ELOVL2: variants seen among roughly 807,000 people sequenced by gnomAD.
The protein encoded by ELOVL2 is very long chain fatty acid elongase 2.
ELOVL2 carries 38 observed loss-of-function variants against 37.7 expected under a neutral mutation model. The ratio of observed to expected loss-of-function variants is 1.01; its 90% CI spans 0.78 to 1.32. The LOEUF (loss-of-function observed/expected upper bound fraction) is 1.32. Ranked by LOEUF, ELOVL2 falls within the 40% of genes most tolerant of loss-of-function variation. The pLI is 0.00. For synonymous variants in ELOVL2, 115 were observed against 122.3 expected, an observed-to-expected ratio of 0.94 and a Z score of 0.40; for missense variants, 352 against 363.6, an observed-to-expected ratio of 0.97 and a Z score of 0.26.
At chr6:10,991,787 CTT>C (rs768445403) in intron 5 of ELOVL2, among the ~76,000 whole-genome samples, 1 of 152,176 alleles carries the variant, frequency 6.6e-6, no homozygotes, top group Admixed American at 6.6e-5. Context: ...ACCTACATGA[CTT>C]TTCATTTCCA....
intron 1 of ELOVL2, among the ~76,000 whole-genome samples, chr6:11,017,871 CATA>C (rs1335975887): frequency 6.6e-6 from 1 of 152,224 alleles, no homozygotes; most frequent in Non-Finnish European, 1.5e-5. Flanking sequence ...ATGCCTGGCA[CATA>C]ATGGGCACTT....
chr6:11,008,545 A>T (rs1034891477), intron 2 of ELOVL2, among the ~76,000 whole-genome samples: 4 of 151,870 alleles, frequency 2.6e-5, no homozygotes, highest in African/African-American at 9.7e-5. Flanking sequence ...CTGCATGCCT[A>T]ACTAAGGGAG....
intron 4 of ELOVL2, among the ~76,000 whole-genome samples, chr6:10,999,461 C>T (rs911302454): frequency 4.6e-5 from 7 of 151,848 alleles, no homozygotes; most frequent in East Asian, 1.9e-4. Context: ...CCACAACCTC[C>T]GCCTCCCGGG....
At chr6:10,989,304 G>A (rs757826405) in intron 7 of ELOVL2, among the ~76,000 whole-genome samples, 3 of 152,112 alleles carry the variant, frequency 2.0e-5, no homozygotes, top group Non-Finnish European at 4.4e-5. Context: ...TTATCAACAA[G>A]CATGTGCTAC....
chr6:11,023,196 C>T (rs1782790915), intron 1 of ELOVL2, among the ~76,000 whole-genome samples: 1 of 152,188 alleles, frequency 6.6e-6, no homozygotes, highest in African/African-American at 2.4e-5. Flanking sequence ...GTATTCAGGA[C>T]ACCTTGGAAC....
At chr6:11,003,752 G>A (rs1257004540) in intron 3 of ELOVL2, among the ~76,000 whole-genome samples, 1 of 152,180 alleles carries the variant, frequency 6.6e-6, no homozygotes, top group Non-Finnish European at 1.5e-5. Context: ...TCCTTTCAGT[G>A]TCAAGTAGAT....
chr6:10,995,273 CCTG>C, intron 4 of ELOVL2, 95 bp from the exon 5 acceptor site: 1 of 943,652 alleles, frequency 1.1e-6, no homozygotes, highest in South Asian at 1.8e-5. Context: ...CCTGTGGTTT[CCTG>C]CTGTTTCTTT....
intron 1 of ELOVL2, among the ~76,000 whole-genome samples, chr6:11,028,110 C>T (rs913637057): frequency 3.3e-5 from 5 of 152,198 alleles, no homozygotes; most frequent in African/African-American, 1.2e-4. Flanking sequence ...AAAACCTACA[C>T]ACATGGGTTT....
Position 11,005,356 on chromosome 6 carries a change from C to T in ELOVL2, c.255+16G>A, listed in dbSNP as rs2113511244. ...GCTAGTTACTGGACTTCAGCTTTGG[C>T]TACATAAACACTTACCTCTGCCAGC... On this transcript the variant is annotated intron_variant, in intron 3 of 7. Coordinates refer to ENST00000354666, the MANE Select transcript of ELOVL2 (RefSeq NM_017770.4). 1 of 1,601,270 alleles carries T rather than the reference C, an allele frequency of 6.2e-7. No homozygotes were observed. The highest frequency in any genetic ancestry group is 2.2e-5 in the East Asian group (1 of 44,710).
chr6:11,011,345 GAC>G (rs1322618903), intron 1 of ELOVL2, among the ~76,000 whole-genome samples: 6 of 148,470 alleles, frequency 4.0e-5, no homozygotes, highest in African/African-American at 1.5e-4. Flanking sequence ...CAGCCTGGGC[GAC>G]AGAGTGAGAC....
intron 3 of ELOVL2, among the ~76,000 whole-genome samples, chr6:11,004,884 C>T (rs956249631): frequency 2.6e-5 from 4 of 152,118 alleles, no homozygotes; most frequent in East Asian, 1.9e-4. Context: ...CTAGGCCAGG[C>T]GCAGTGGCTC....
intron 1 of ELOVL2, among the ~76,000 whole-genome samples, chr6:11,021,488 T>C (rs1581876576): frequency 6.6e-6 from 1 of 152,046 alleles, no homozygotes; most frequent in East Asian, 1.9e-4. Flanking sequence ...GTGTCAGAAT[T>C]GTATGTGTAT....
At chr6:11,008,460 CT>C (rs1389339757) in intron 2 of ELOVL2, among the ~76,000 whole-genome samples, 1 of 152,224 alleles carries the variant, frequency 6.6e-6, no homozygotes, top group Non-Finnish European at 1.5e-5. Context: ...ATCATACTTC[CT>C]CCTGGATCTT....
Position 10,982,707 on chromosome 6 carries a change from A to G in ELOVL2, c.*1074T>C, listed in dbSNP as rs972307576. ...GTGGCTCATGACCGGCCCACGGCTCAGTGCTGGAATCTTTCCAAGCTACTC... is the reference window on the plus strand; with the variant it reads ...GTGGCTCATGACCGGCCCACGGCTCGGTGCTGGAATCTTTCCAAGCTACTC... On this transcript the variant is annotated 3_prime_UTR_variant, in exon 8 of 8. Transcript: ENST00000354666. 1 of 152,220 alleles carries G rather than the reference A, an allele frequency of 6.6e-6. No individual in the cohort carries two copies. Among genetic ancestry groups the G allele is most frequent in the African/African-American group, 2.4e-5 (1 of 41,460 alleles). 9.4% of individuals were successfully genotyped at this position (152,220 alleles called of 1,614,324 possible). A position where few individuals can be genotyped will look rare whatever the true frequency, so the allele number is the denominator to read the frequency against.
At chr6:10,985,562 A>G (rs1782035550) in intron 7 of ELOVL2, among the ~76,000 whole-genome samples, 1 of 151,446 alleles carries the variant, frequency 6.6e-6, no homozygotes, top group Non-Finnish European at 1.5e-5. Flanking sequence ...AGCTTTCTAC[A>G]TATGGCTAGC....
chr6:10,990,244 G>A, intron 6 of ELOVL2, 74 bp downstream of exon 6: 3 of 1,560,230 alleles, frequency 1.9e-6, no homozygotes, highest in Non-Finnish European at 2.6e-6. Context: ...AAAGCCCTCT[G>A]ACTTCTAAGA....
chr6:11,016,519 C>G (rs1782688233), intron 1 of ELOVL2, among the ~76,000 whole-genome samples: 1 of 152,144 alleles, frequency 6.6e-6, no homozygotes, highest in Non-Finnish European at 1.5e-5. Flanking sequence ...ATCTGATCAG[C>G]TTAGGAATGA....
At chr6:11,000,845 G>T (rs1411720652) in intron 3 of ELOVL2, among the ~76,000 whole-genome samples, 1 of 152,180 alleles carries the variant, frequency 6.6e-6, no homozygotes, top group East Asian at 1.9e-4. Flanking sequence ...TGTATGATTT[G>T]CTCAAGATTA....
intron 1 of ELOVL2, among the ~76,000 whole-genome samples, chr6:11,029,791 A>C (rs1398801981): frequency 6.6e-6 from 1 of 152,200 alleles, no homozygotes; most frequent in East Asian, 1.9e-4. Context: ...TTGTGGGAAA[A>C]GAGAAACACT....
Sources: gnomAD v4.1 joint callset for allele counts (sites outside exome capture counted in the v4.1 genomes callset) on GRCh38, gnomAD v4.1.1 for gene constraint, MANE v1.5 for transcripts, NCBI Gene and HGNC (gene_info 2026-07-23, HGNC 2026-07-21) for gene names.